LRRC1: variants seen among roughly 807,000 people sequenced by gnomAD.
The protein encoded by LRRC1 is leucine-rich repeat-containing protein 1.
A neutral mutation model predicts 69.9 loss-of-function variants in LRRC1; 28 were observed. That is an observed-to-expected ratio of 0.40 (90% CI 0.30 to 0.55). The LOEUF is 0.55. LRRC1 is among the 20% of genes least tolerant of loss of function. The pLI, the probability that LRRC1 is intolerant of heterozygous loss-of-function variation, is 0.47. For missense variants in LRRC1, 498 were observed against 609.0 expected (o/e 0.82, Z 1.92); for synonymous variants, 236 against 240.2 (o/e 0.98, Z 0.16).
chr6:53,899,982 C>A, intron 8 of LRRC1, 91 bp downstream of exon 8: 1 of 961,218 alleles, frequency 1.0e-6, no homozygotes, highest in Non-Finnish European at 1.5e-6. Context: ...TCACCACTTT[C>A]AGATGCTGAG....
At chr6:53,805,650 T>C (rs1332968070) in intron 1 of LRRC1, among the ~76,000 whole-genome samples, 1 of 152,166 alleles carries the variant, frequency 6.6e-6, no homozygotes, top group Non-Finnish European at 1.5e-5. Context: ...AGTCCCTACC[T>C]CATGAAGTTG....
At chr6:53,822,402 A>T (rs988461805) in intron 1 of LRRC1, among the ~76,000 whole-genome samples, 5 of 152,226 alleles carry the variant, frequency 3.3e-5, no homozygotes, top group African/African-American at 9.6e-5. Flanking sequence ...TATGAGTTTT[A>T]TTCCATCAAT....
intron 2 of LRRC1, among the ~76,000 whole-genome samples, chr6:53,873,009 G>A (rs770908576): frequency 2.6e-5 from 4 of 151,796 alleles, no homozygotes; most frequent in South Asian, 2.1e-4. Flanking sequence ...TGCCTGCTTC[G>A]ACCTCCCAAA....
At chr6:53,861,656 C>A (rs1029594494) in intron 2 of LRRC1, among the ~76,000 whole-genome samples, 3 of 152,020 alleles carry the variant, frequency 2.0e-5, no homozygotes. Context: ...AATCAGTGTT[C>A]TAGCTAGTTT....
intron 2 of LRRC1, among the ~76,000 whole-genome samples, chr6:53,858,460 T>C (rs1199103362): frequency 6.6e-6 from 1 of 152,190 alleles, no homozygotes; most frequent in Admixed American, 6.5e-5. Context: ...TATGAGATCA[T>C]AGTGGCCAGA....
intron 2 of LRRC1, among the ~76,000 whole-genome samples, chr6:53,878,599 A>C (rs1325236172): frequency 6.6e-6 from 1 of 152,160 alleles, no homozygotes; most frequent in Non-Finnish European, 1.5e-5. Flanking sequence ...TCAGGCAGTA[A>C]TGCAAGTGAT....
At chr6:53,856,410 G>A (rs1270687348) in intron 2 of LRRC1, among the ~76,000 whole-genome samples, 1 of 152,176 alleles carries the variant, frequency 6.6e-6, no homozygotes, top group Non-Finnish European at 1.5e-5. Context: ...ATTCCTGAAG[G>A]AGCTGGGAGG....
intron 2 of LRRC1, among the ~76,000 whole-genome samples, chr6:53,849,121 A>G (rs901139982): frequency 6.6e-6 from 1 of 150,990 alleles, no homozygotes; most frequent in African/African-American, 2.4e-5. Context: ...TTTGAGAACA[A>G]CACCTTTGAA....
intron 2 of LRRC1, among the ~76,000 whole-genome samples, chr6:53,852,845 A>G (rs1286878322): frequency 6.6e-6 from 1 of 152,180 alleles, no homozygotes; most frequent in Admixed American, 6.5e-5. Context: ...GAAATGGCCA[A>G]CTCTAAGAGG....
intron 2 of LRRC1, among the ~76,000 whole-genome samples, chr6:53,845,267 A>T (rs1581869083): frequency 6.6e-6 from 1 of 152,188 alleles, no homozygotes; most frequent in Admixed American, 6.5e-5. Flanking sequence ...GTCACTATTT[A>T]CTGTAACCAA....
chr6:53,820,490 A>G (rs988156971), intron 1 of LRRC1, among the ~76,000 whole-genome samples: 3 of 150,548 alleles, frequency 2.0e-5, no homozygotes, highest in Non-Finnish European at 4.4e-5. Flanking sequence ...AACAGTGTGA[A>G]GCCCTGCATC....
chr6:53,835,413 A>AT (rs1207423350), intron 1 of LRRC1, among the ~76,000 whole-genome samples: 1 of 152,146 alleles, frequency 6.6e-6, no homozygotes, highest in East Asian at 1.9e-4. Flanking sequence ...ATTTAATGCT[A>AT]TTTTTTCACA....
At chr6:53,896,643 T>C (rs1021201582) in intron 5 of LRRC1, 89 bp downstream of exon 5, 1 of 1,294,424 alleles carries the variant, frequency 7.7e-7, no homozygotes, top group Non-Finnish European at 1.1e-6. Context: ...CGTGAAAACA[T>C]TTGTGTGTTT....
intron 2 of LRRC1, among the ~76,000 whole-genome samples, chr6:53,848,797 GC>G (rs1464932167): frequency 2.0e-5 from 3 of 149,056 alleles, no homozygotes; most frequent in Non-Finnish European, 4.4e-5. Flanking sequence ...TGCTCTTGTT[GC>G]CCAGGCTGGA....
At chr6:53,902,587 T>C (rs1227045003) in intron 8 of LRRC1, 42 bp from the exon 9 acceptor site, 1 of 1,206,758 alleles carries the variant, frequency 8.3e-7, no homozygotes, top group Non-Finnish European at 1.2e-6. Flanking sequence ...AAAATAATTG[T>C]AACTAATGAA....
At chr6:53,803,148 T>A (rs1375050783) in intron 1 of LRRC1, among the ~76,000 whole-genome samples, 2 of 152,216 alleles carry the variant, frequency 1.3e-5, no homozygotes, top group African/African-American at 4.8e-5. Flanking sequence ...AACGGACCCT[T>A]TACCACAGAC....
At chr6:53,850,468 G>C (rs946502807) in intron 2 of LRRC1, among the ~76,000 whole-genome samples, 7 of 152,140 alleles carry the variant, frequency 4.6e-5, no homozygotes, top group Admixed American at 2.6e-4. Context: ...TAAAAATGCA[G>C]ATATCTGAGT....
intron 1 of LRRC1, among the ~76,000 whole-genome samples, chr6:53,824,308 C>T (rs1018408318): frequency 4.0e-5 from 6 of 151,682 alleles, no homozygotes; most frequent in African/African-American, 9.7e-5. Context: ...GAAAAGTGTC[C>T]GTTGCCCTTT....
intron 2 of LRRC1, 66 bp downstream of exon 2, chr6:53,842,293 A>G: frequency 9.2e-7 from 1 of 1,086,454 alleles, no homozygotes; most frequent in Non-Finnish European, 1.4e-6. Flanking sequence ...TTTAGTAAAT[A>G]TAGCTACGAG....
Sources: gnomAD v4.1 joint callset for allele counts (sites outside exome capture counted in the v4.1 genomes callset) on GRCh38, gnomAD v4.1.1 for gene constraint, MANE v1.5 for transcripts, NCBI Gene and HGNC (gene_info 2026-07-23, HGNC 2026-07-21) for gene names.